ADPRH: variants seen among roughly 807,000 people sequenced by gnomAD.
The protein encoded by ADPRH is ADP-ribose-L-arginine cleaving enzyme.
A neutral mutation model predicts 28.8 loss-of-function variants in ADPRH; 27 were observed. The ratio of observed to expected loss-of-function variants is 0.94; its 90% CI spans 0.69 to 1.29. The LOEUF is 1.29. ADPRH is among the 50% of genes most tolerant of loss of function. ADPRH has a pLI of 0.00. For synonymous variants in ADPRH, 161 were observed against 166.9 expected (o/e 0.96, Z 0.27); for missense variants, 419 against 444.8 (o/e 0.94, Z 0.52).
At position 119,587,937 on chromosome 3, in the gene ADPRH, T is replaced by G; in HGVS notation, c.*59T>G. 1 of 1,497,050 alleles carries G rather than the reference T, an allele frequency of 6.7e-7. No homozygotes were observed. Among genetic ancestry groups the G allele is most frequent in the South Asian group, 1.4e-5 (1 of 71,126 alleles). 92.7% of individuals were successfully genotyped at this position (1,497,050 alleles called of 1,614,324 possible). A position where few individuals can be genotyped will look rare whatever the true frequency, so the allele number is the denominator to read the frequency against. On this transcript the variant is annotated 3_prime_UTR_variant, in exon 5 of 5. Transcript: ENST00000357003. Reference sequence around the variant, plus strand: ...TTTTGTGTATTTCCTTTTCTGCTATTTCTTTTCAGTTTTTCCAAAGTCAAG... The same window carrying G: ...TTTTGTGTATTTCCTTTTCTGCTATGTCTTTTCAGTTTTTCCAAAGTCAAG...
chr3:119,582,359 G>A lies in ADPRH; in HGVS notation c.190G>A (p.Ala64Thr), dbSNP rs138015780. ...CGACACAGTGATGCACTTGGCCACA[G>A]CAGAAGCTCTTGTGGAAGCTGGGAA... Reference protein sequence around the residue: ...SDDTVMHLATAEALVEAGKAP... With the variant: ...SDDTVMHLATTEALVEAGKAP... Residue 64 changes from alanine (A) to threonine (T), a missense_variant, in exon 3 of 5, where the codon GCA (alanine) becomes ACA (threonine). Ala to Thr is a moderately conservative substitution (Grantham distance 58). Coordinates refer to ENST00000357003, the MANE Select transcript of ADPRH (RefSeq NM_001125.4). 1.9e-6 allele frequency: 3 copies of A among 1,614,108 alleles called. No individual in the cohort carries two copies. The highest frequency in any genetic ancestry group is 2.7e-5 in the African/African-American group (2 of 74,922).
chr3:119,587,287 A>G (rs564207321), intron 4 of ADPRH, among the ~76,000 whole-genome samples, 177 bp from the exon 5 acceptor site: 4 of 152,366 alleles, frequency 2.6e-5, no homozygotes, highest in Admixed American at 6.5e-5. Context: ...TGAAAAATGT[A>G]TTGAATGAAT....
rs1345140663 is a variant in ADPRH, at chr3:119,589,143, CCTT to C, written c.*1268_*1270del. The C allele has an allele frequency of 1.3e-5, 2 of 152,374 alleles. No homozygotes were observed. The highest frequency in any genetic ancestry group is 2.9e-5 in the Non-Finnish European group (2 of 68,142). The allele number at this position is 152,374 out of a possible 1,614,324, so 9.4% of individuals were successfully genotyped here. On this transcript the variant is annotated 3_prime_UTR_variant, in exon 5 of 5. Transcript: ENST00000357003. ...CTTTGATTGTTCAGGCACTTGGCCA[CCTT>C]CTCCTCACTCCTCCCACAGCCTTCT...
In ADPRH at chr3:119,586,421, T is replaced by C; in HGVS notation, c.435T>C (p.His145=). ...AMCIGLRFPH[H]SQLDTLIQVS... ...GCATCGGTCTCAGGTTCCCACACCA[T>C]AGCCAACTGGACACACTGATCCAAG... Residue 145 remains histidine, a synonymous_variant, in exon 4 of 5, where the codon CAT becomes CAC. Coordinates refer to ENST00000357003, the MANE Select transcript of ADPRH (RefSeq NM_001125.4). 1.2e-6 allele frequency: 2 copies of C among 1,614,222 alleles called. No homozygotes were observed. Among genetic ancestry groups the C allele is most frequent in the South Asian group, 1.1e-5 (1 of 91,078 alleles).
intron 4 of ADPRH, 21 bp downstream of exon 4, chr3:119,586,666 C>T (rs1352002508): frequency 6.2e-7 from 1 of 1,608,332 alleles, no homozygotes; most frequent in South Asian, 1.1e-5. Flanking sequence ...AAGCGCACGC[C>T]CTGCTCAAAC....
At chr3:119,585,158 A>G (rs1448050849) in intron 3 of ADPRH, among the ~76,000 whole-genome samples, 3 of 152,078 alleles carry the variant, frequency 2.0e-5, no homozygotes, top group African/African-American at 4.8e-5. Context: ...TTAGATGCCA[A>G]TCTCTGTTCA....
chr3:119,586,314 C>G lies in ADPRH; in HGVS notation c.328C>G (p.Leu110Val). 6.2e-7 allele frequency: 1 copy of G among 1,613,772 alleles called. No individual in the cohort carries two copies. Among genetic ancestry groups the G allele is most frequent in the Non-Finnish European group, 8.5e-7 (1 of 1,180,050 alleles). ...TGCCTCGGTGCACAACGCCATGCAG[C>G]TGAAGCCGGGCAAGCCCAATGGCTG... ...GGASVHNAMQLKPGKPNGWRI... is the reference protein window; with the variant it reads ...GGASVHNAMQVKPGKPNGWRI... The change falls in exon 4 of 5, where the codon CTG becomes GTG. Residue 110 changes from leucine (L) to valine (V), a missense_variant. Coordinates refer to ENST00000357003, the MANE Select transcript of ADPRH (RefSeq NM_001125.4).
At chr3:119,586,115 A>G (rs941971262) in intron 3 of ADPRH, among the ~76,000 whole-genome samples, 170 bp from the exon 4 acceptor site, 1 of 152,224 alleles carries the variant, frequency 6.6e-6, no homozygotes, top group Non-Finnish European at 1.5e-5. Context: ...TTATACATAA[A>G]GAAAGGCACA....
At chr3:119,584,116 T>G (rs1410212121) in intron 3 of ADPRH, among the ~76,000 whole-genome samples, 1 of 152,102 alleles carries the variant, frequency 6.6e-6, no homozygotes, top group Non-Finnish European at 1.5e-5. Flanking sequence ...TATGTATTTC[T>G]GTGTTGAGAA....
At chr3:119,581,311 A>C (rs1248657629) in intron 2 of ADPRH, among the ~76,000 whole-genome samples, 4 of 152,108 alleles carry the variant, frequency 2.6e-5, no homozygotes, top group Non-Finnish European at 5.9e-5. Context: ...CAGATGAGCC[A>C]CCCACCTCGG....
In ADPRH at chr3:119,588,764, C is replaced by T. The variant is rs1024551363; in HGVS notation, c.*886C>T. The T allele has an allele frequency of 8.5e-5, 13 of 152,226 alleles. No individual in the cohort carries two copies. The highest frequency in any genetic ancestry group is 2.9e-4 in the African/African-American group (12 of 41,448). 9.4% of individuals were successfully genotyped at this position (152,226 alleles called of 1,614,324 possible). A position where few individuals can be genotyped will look rare whatever the true frequency, so the allele number is the denominator to read the frequency against. On this transcript the variant is annotated 3_prime_UTR_variant, in exon 5 of 5. Coordinates refer to ENST00000357003, the MANE Select transcript of ADPRH (RefSeq NM_001125.4). The stretch of plus-strand genomic sequence containing the variant: ...CTGGGAGATGCTGCTCTGAGCTGCT[C>T]TCAGTACTCTCCTCATCATGGCAGT...
chr3:119,585,790 C>T (rs913854012), intron 3 of ADPRH, among the ~76,000 whole-genome samples: 8 of 152,202 alleles, frequency 5.3e-5, no homozygotes, highest in African/African-American at 1.9e-4. Flanking sequence ...ACCTCGTGAT[C>T]TGCCTGCCTC....
At chr3:119,580,281 T>C (rs2082394271) in intron 1 of ADPRH, 1 of 152,114 alleles carries the variant, frequency 6.6e-6, no homozygotes, top group Non-Finnish European at 1.5e-5. Context: ...AAGCAGAGTG[T>C]CTTGGCCTAG....
At chr3:119,581,863 T>A (rs944532859) in intron 2 of ADPRH, among the ~76,000 whole-genome samples, 2 of 152,150 alleles carry the variant, frequency 1.3e-5, no homozygotes, top group East Asian at 1.9e-4. Context: ...TGGACCTATG[T>A]TGGGATCCCA....
rs2082470218 is a variant in ADPRH at position 119,587,215 on chromosome 3, T to G, written c.660-249T>G. On this transcript the variant is annotated intron_variant, in intron 4 of 4. Transcript: ENST00000357003. ...AAACAAACCTGTATTTCTTACCCTT[T>G]AACTTGATATGTATCTCTTTATTTA... Among the ~76,000 whole-genome samples, 2 of 152,396 alleles carry G rather than the reference T, an allele frequency of 1.3e-5. 1 individual carries two copies. Among genetic ancestry groups the G allele is most frequent in the South Asian group, 4.1e-4 (2 of 4,834 alleles).
rs571648360 is a variant in ADPRH, at chr3:119,588,952, GTTTACGAATAACAAA to G, written c.*1077_*1091del. On this transcript the variant is annotated 3_prime_UTR_variant, in exon 5 of 5. Transcript: ENST00000357003. ...TTCCCTCATTACCCTCCAGAGTTAT[GTTTACGAATAACAAA>G]TTGACCATGCTAAACTAATCATGTT... 2.0e-4 allele frequency: 31 copies of G among 152,334 alleles called. No individual in the cohort carries two copies. Among genetic ancestry groups the G allele is most frequent in the African/African-American group, 5.8e-4 (24 of 41,574 alleles). The allele number at this position is 152,334 out of a possible 1,614,324, so 9.4% of individuals were successfully genotyped here. A position where few individuals can be genotyped will look rare whatever the true frequency, so the allele number is the denominator to read the frequency against.
Position 119,585,413 on chromosome 3 carries a change from A to G in ADPRH, c.299-872A>G, listed in dbSNP as rs541291287. On this transcript the variant is annotated intron_variant, in intron 3 of 4. Coordinates refer to ENST00000357003, the MANE Select transcript of ADPRH (RefSeq NM_001125.4). ...GGGGATAGCCAAGGCCCAGAGGTTC[A>G]GTGACTCACCAAAGACACATTGTTT... Among the ~76,000 whole-genome samples, 20 of 152,350 alleles carry G rather than the reference A, an allele frequency of 1.3e-4. 1 individual carries two copies. In the South Asian group the frequency reaches 4.1e-3, roughly 32 times the overall value.
chr3:119,583,848 G>C (rs866375465), intron 3 of ADPRH, among the ~76,000 whole-genome samples: 1 of 152,192 alleles, frequency 6.6e-6, no homozygotes, highest in Middle Eastern at 3.4e-3. Flanking sequence ...CACGATCTCG[G>C]CTCACTGCAA....
At chr3:119,584,333 CG>C (rs1364355452) in intron 3 of ADPRH, among the ~76,000 whole-genome samples, 1 of 151,784 alleles carries the variant, frequency 6.6e-6, no homozygotes, top group Non-Finnish European at 1.5e-5. Context: ...GAGGCCAAGG[CG>C]GGCAGATCAT....
Sources: gnomAD v4.1 joint callset for allele counts (sites outside exome capture counted in the v4.1 genomes callset) on GRCh38, gnomAD v4.1.1 for gene constraint, MANE v1.5 for transcripts, NCBI Gene and HGNC (gene_info 2026-07-23, HGNC 2026-07-21) for gene names.